The following MAF variants were observed in gnomAD, a reference collection of about 807,000 sequenced individuals.
The protein encoded by MAF is MAF bZIP transcription factor, also known as transcription factor Maf.
A neutral mutation model predicts 22.0 loss-of-function variants in MAF; 10 were observed. The observed-to-expected ratio is 0.45, with a 90% confidence interval of 0.28 to 0.77. The LOEUF (loss-of-function observed/expected upper bound fraction) is 0.77, where lower values mean the gene tolerates loss of function less well. Among genes scored for constraint, MAF ranks in the 30% least tolerant of loss-of-function variants. The probability of loss-of-function intolerance (pLI) is 0.12; values close to 1 mark genes in which losing one functional copy is unlikely to be tolerated. For synonymous variants in MAF, 337 were observed against 255.8 expected (o/e 1.32, Z -3.03); for missense variants, 544 against 548.4 (o/e 0.99, Z 0.08).
chr16:79,384,127 T>C, the MAF span, among the ~76,000 whole-genome samples: 9 of 152,044 alleles, frequency 5.9e-5, no homozygotes, highest in Admixed American at 4.6e-4. Flanking sequence ...GTCAGGAAAG[T>C]ATTCTATTTA....
chr16:79,417,688 C>A, the MAF span, among the ~76,000 whole-genome samples: 2 of 152,156 alleles, frequency 1.3e-5, no homozygotes, highest in Admixed American at 6.5e-5. Context: ...CGTCCCCTCC[C>A]CACATGGCCC....
the MAF span, among the ~76,000 whole-genome samples, chr16:79,378,518 T>G: frequency 2.0e-5 from 3 of 152,346 alleles, no homozygotes; most frequent in Admixed American, 2.0e-4. Context: ...AGCATTTTTC[T>G]GTATGTTATA....
chr16:79,313,952 G>C, the MAF span, among the ~76,000 whole-genome samples: 1 of 152,188 alleles, frequency 6.6e-6, no homozygotes, highest in Non-Finnish European at 1.5e-5. Context: ...TGTCTGCGAT[G>C]ATTAAATAAC....
the MAF span, among the ~76,000 whole-genome samples, chr16:79,418,186 C>A: frequency 6.6e-6 from 1 of 152,170 alleles, no homozygotes; most frequent in African/African-American, 2.4e-5. Flanking sequence ...GGCTCCAGCG[C>A]GGCTGGGCTT....
chr16:79,440,539 G>T, the MAF span, among the ~76,000 whole-genome samples: 1 of 152,082 alleles, frequency 6.6e-6, no homozygotes, highest in Non-Finnish European at 1.5e-5. Flanking sequence ...AGGTTCAAAC[G>T]ATTCTCCTGC....
the MAF span, among the ~76,000 whole-genome samples, chr16:79,420,927 G>A: frequency 3.3e-5 from 5 of 152,156 alleles, no homozygotes; most frequent in South Asian, 2.1e-4. Flanking sequence ...CCAGCTACTT[G>A]GGAGGCTGAG....
At chr16:79,285,069 G>A in the MAF span, among the ~76,000 whole-genome samples, 1 of 152,060 alleles carries the variant, frequency 6.6e-6, no homozygotes, top group Admixed American at 6.6e-5. Flanking sequence ...TTGCATATTG[G>A]CCCAGAAAAC....
At chr16:79,203,740 C>G in the MAF span, 18 of 152,272 alleles carry the variant, frequency 1.2e-4, no homozygotes, top group Admixed American at 1.2e-3. Context: ...TTTGTTTTAC[C>G]TGTAGTATGA....
the MAF span, among the ~76,000 whole-genome samples, chr16:79,285,315 G>A: frequency 2.0e-5 from 3 of 152,056 alleles, no homozygotes; most frequent in African/African-American, 4.8e-5. Flanking sequence ...ATACGGCCCC[G>A]CTTTCCTTAG....
downstream of MAF, among the ~76,000 whole-genome samples, chr16:79,581,448 C>T (rs1026185135): frequency 1.3e-5 from 2 of 152,148 alleles, no homozygotes; most frequent in Non-Finnish European, 2.9e-5. Flanking sequence ...TAATTACAAA[C>T]CCCAACTCAA....
At chr16:79,224,898 G>T in the MAF span, among the ~76,000 whole-genome samples, 1 of 152,306 alleles carries the variant, frequency 6.6e-6, no homozygotes, top group South Asian at 2.1e-4. Flanking sequence ...GCATGCTCAT[G>T]GGTAGGAAGA....
the MAF span, among the ~76,000 whole-genome samples, chr16:79,307,008 T>G: frequency 6.6e-6 from 1 of 152,192 alleles, no homozygotes; most frequent in Non-Finnish European, 1.5e-5. Flanking sequence ...TTATCAGTGT[T>G]TCCCAACTTC....
At chr16:79,587,900 C>T (rs921140835) in intron 1 of MAF, among the ~76,000 whole-genome samples, 1 of 150,674 alleles carries the variant, frequency 6.6e-6, no homozygotes, top group African/African-American at 2.4e-5. Context: ...ATTTGCACAC[C>T]TGAATAGCGT....
At chr16:79,564,921 GC>G in the MAF span, among the ~76,000 whole-genome samples, 1 of 152,160 alleles carries the variant, frequency 6.6e-6, no homozygotes, top group South Asian at 2.1e-4. Context: ...CACACTCTCT[GC>G]CTCTGGTTTT....
At chr16:79,577,790 T>G in the MAF span, among the ~76,000 whole-genome samples, 392 of 152,378 alleles carry the variant, frequency 2.6e-3, 2 homozygotes, top group African/African-American at 9.2e-3. Flanking sequence ...AATTTTGTGA[T>G]TAAATATTAT....
At chr16:79,558,585 A>G in the MAF span, among the ~76,000 whole-genome samples, 1 of 152,188 alleles carries the variant, frequency 6.6e-6, no homozygotes, top group Non-Finnish European at 1.5e-5. Context: ...CATAACACAA[A>G]GAGAGGGGAG....
At chr16:79,482,269 C>A in the MAF span, among the ~76,000 whole-genome samples, 1 of 152,168 alleles carries the variant, frequency 6.6e-6, no homozygotes, top group Non-Finnish European at 1.5e-5. Flanking sequence ...TCCTTCTTCT[C>A]TTTTTCCCAT....
chr16:79,496,589 A>T, the MAF span, among the ~76,000 whole-genome samples: 1 of 152,244 alleles, frequency 6.6e-6, no homozygotes, highest in African/African-American at 2.4e-5. Context: ...TACCTCAGAT[A>T]TCTGCCTTCA....
intron 1 of MAF, chr16:79,596,785 C>T (rs532078507): frequency 1.1e-5 from 12 of 1,047,004 alleles, no homozygotes; most frequent in Non-Finnish European, 1.4e-5. Flanking sequence ...CAGTTCTGCA[C>T]CACAATACAA....
Sources: gnomAD v4.1 joint callset for allele counts (sites outside exome capture counted in the v4.1 genomes callset) on GRCh38, gnomAD v4.1.1 for gene constraint, MANE v1.5 for transcripts, NCBI Gene and HGNC (gene_info 2026-07-23, HGNC 2026-07-21) for gene names.